Variants in ABCB7 observed in about 807,000 individuals in gnomAD.
ABCB7 encodes the protein iron-sulfur clusters transporter ABCB7, mitochondrial.
A neutral mutation model predicts 54.4 loss-of-function variants in ABCB7; 7 were observed. The ratio of observed to expected loss-of-function variants is 0.13; its 90% CI spans 0.07 to 0.24. The LOEUF is 0.24. Among genes scored for constraint, ABCB7 ranks in the 10% least tolerant of loss-of-function variants. The pLI is 1.00. For synonymous variants in ABCB7, 218 were observed against 207.1 expected (o/e 1.05, Z -0.45); for missense variants, 356 against 570.4 (o/e 0.62, Z 3.83).
At chrX:75,109,938 C>T (rs1289224426) in intron 3 of ABCB7, among the ~76,000 whole-genome samples, 1 of 111,828 alleles carries the variant, frequency 8.9e-6, no homozygotes, top group East Asian at 2.8e-4. Context: ...TCTAAAAAAT[C>T]CAGAGTATAA....
intron 15 of ABCB7, among the ~76,000 whole-genome samples, chrX:75,054,063 T>A (rs2081216482): frequency 8.9e-6 from 1 of 112,425 alleles, no homozygotes; most frequent in African/African-American, 3.2e-5. Context: ...AAAAGTTTAC[T>A]TCTTCCAGTG....
At chrX:75,054,075 C>T (rs944400357) in intron 15 of ABCB7, among the ~76,000 whole-genome samples, 11 of 111,914 alleles carry the variant, frequency 9.8e-5, no homozygotes, top group African/African-American at 3.6e-4. Context: ...CTTCCAGTGG[C>T]TATTTTTGTT....
At chrX:75,114,727 T>C (rs1173003370) in intron 2 of ABCB7, 27 bp downstream of exon 2, 5 of 1,171,273 alleles carry the variant, frequency 4.3e-6, no homozygotes, top group Non-Finnish European at 5.8e-6. Context: ...TTCCTAGCTA[T>C]ATGTAGACAT....
chrX:75,065,407 G>T (rs949519328), intron 12 of ABCB7, among the ~76,000 whole-genome samples, 166 bp from the exon 13 acceptor site: 3 of 111,195 alleles, frequency 2.7e-5, no homozygotes, highest in Non-Finnish European at 3.8e-5. Flanking sequence ...CTTCCCAGGG[G>T]TAGTCATCAT....
chrX:75,151,981 T>C (rs994549323), intron 1 of ABCB7, among the ~76,000 whole-genome samples: 1 of 111,806 alleles, frequency 8.9e-6, no homozygotes, highest in Non-Finnish European at 1.9e-5. Flanking sequence ...CCAAGCTTAC[T>C]GTGTGAGAAC....
rs112136748 is a variant in ABCB7 at position 75,065,284 on chromosome X, ATCTC to A, written c.1660-47_1660-44del. The A allele has an allele frequency of 0.013, 13,773 of 1,072,326 alleles. 1,102 individuals are homozygous for A. In the African/African-American group the frequency reaches 0.23, roughly 18 times the overall value. The allele number at this position is 1,072,326 out of a possible 1,213,427, so 88.4% of individuals were successfully genotyped here. On this transcript the variant is annotated intron_variant, in intron 12 of 15. Coordinates refer to ENST00000373394, the MANE Select transcript of ABCB7 (RefSeq NM_001271696.3). ...AATGAATATATATCTATATCTATAT[ATCTC>A]TCTCTATTTATGTTCATTATTAAAA...
intron 1 of ABCB7, among the ~76,000 whole-genome samples, chrX:75,127,978 G>A (rs1488138459): frequency 8.9e-6 from 1 of 111,938 alleles, no homozygotes; most frequent in Non-Finnish European, 1.9e-5. Context: ...AATATTCCAT[G>A]CTCATGGATA....
intron 1 of ABCB7, among the ~76,000 whole-genome samples, chrX:75,150,798 G>A (rs1243792865): frequency 9.0e-6 from 1 of 111,429 alleles, no homozygotes; most frequent in East Asian, 2.8e-4. Flanking sequence ...CAACAATACA[G>A]CAATAAATGA....
rs1049761963 is a variant in ABCB7 at position 75,112,751 on chromosome X, T to C, written c.333+135A>G. On this transcript the variant is annotated intron_variant, in intron 3 of 15. Coordinates refer to ENST00000373394, the MANE Select transcript of ABCB7 (RefSeq NM_001271696.3). Reference sequence around the variant, plus strand: ...CTATAAACTATGGTCAATTAATATGTTTTTTTTTTCATTAGAGAACATGCA... The same window carrying C: ...CTATAAACTATGGTCAATTAATATGCTTTTTTTTTCATTAGAGAACATGCA... The C allele has an allele frequency of 1.5e-5, 6 of 401,836 alleles. No individual in the cohort carries two copies. The African/African-American group carries it at 2.6e-4, about 17-fold the overall frequency. The allele number at this position is 401,836 out of a possible 1,213,427, so 33.1% of individuals were successfully genotyped here. A position where few individuals can be genotyped will look rare whatever the true frequency, so the allele number is the denominator to read the frequency against.
chrX:75,067,782 G>T (rs1398617222), intron 12 of ABCB7, among the ~76,000 whole-genome samples: 1 of 111,058 alleles, frequency 9.0e-6, no homozygotes, highest in East Asian at 2.8e-4. Context: ...ACTGTGCCCA[G>T]CCTAGATTAG....
chrX:75,091,958 T>C (rs760102648), intron 4 of ABCB7, among the ~76,000 whole-genome samples: 5 of 111,607 alleles, frequency 4.5e-5, no homozygotes, highest in Non-Finnish European at 7.6e-5. Context: ...TCCATGTTCA[T>C]GTATGGGAAG....
At chrX:75,082,510 G>A (rs1280128411) in intron 4 of ABCB7, among the ~76,000 whole-genome samples, 1 of 111,854 alleles carries the variant, frequency 8.9e-6, no homozygotes, top group South Asian at 3.7e-4. Flanking sequence ...GAAGAGCAAT[G>A]GAAATGGTAA....
In ABCB7 at chrX:75,059,729, G is replaced by A. The variant is rs1261291156; in HGVS notation, c.2043+494C>T. Among the ~76,000 whole-genome samples the A allele has an allele frequency of 3.6e-5, 4 of 111,435 alleles. No homozygotes were observed. The East Asian group carries it at 1.1e-3, about 31-fold the overall frequency. ...GTATACTCATATAGTAATTCCCTTA[G>A]AAGAGATAAAGCAGGCTATCTTTTT... On this transcript the variant is annotated intron_variant, in intron 15 of 15. Transcript: ENST00000373394.
chrX:75,136,571 A>AAAC (rs972346386), intron 1 of ABCB7, among the ~76,000 whole-genome samples: 28 of 111,272 alleles, frequency 2.5e-4, no homozygotes, highest in African/African-American at 7.3e-4. Context: ...AACAAAAACA[A>AAAC]AACAACAACA....
chrX:75,096,859 T>A (rs1234312675), intron 4 of ABCB7, among the ~76,000 whole-genome samples: 1 of 110,571 alleles, frequency 9.0e-6, no homozygotes, highest in African/African-American at 3.3e-5. Context: ...CTGCACAGTA[T>A]CTCTTGTATT....
intron 1 of ABCB7, among the ~76,000 whole-genome samples, chrX:75,139,032 T>G (rs1241394193): frequency 1.8e-5 from 2 of 108,136 alleles, no homozygotes; most frequent in African/African-American, 3.4e-5. Context: ...AAAAGGGATC[T>G]TCAGGGATGT....
At chrX:75,058,257 A>G (rs1326978458) in intron 15 of ABCB7, among the ~76,000 whole-genome samples, 1 of 111,214 alleles carries the variant, frequency 9.0e-6, no homozygotes, top group Admixed American at 9.6e-5. Flanking sequence ...ACAACTTTTT[A>G]GCTCTGCTAA....
chrX:75,072,176 T>A (rs2081368318), intron 8 of ABCB7, among the ~76,000 whole-genome samples: 1 of 111,732 alleles, frequency 8.9e-6, no homozygotes, highest in South Asian at 3.8e-4. Flanking sequence ...AATGGAAATA[T>A]GAACAAATAA....
At chrX:75,065,273 T>C in intron 12 of ABCB7, 32 bp from the exon 13 acceptor site, 1 of 1,069,398 alleles carries the variant, frequency 9.4e-7, no homozygotes, top group African/African-American at 2.0e-5. Context: ...AATATATATC[T>C]ATATCTATAT....
Sources: gnomAD v4.1 joint callset for allele counts (sites outside exome capture counted in the v4.1 genomes callset) on GRCh38, gnomAD v4.1.1 for gene constraint, MANE v1.5 for transcripts, NCBI Gene and HGNC (gene_info 2026-07-23, HGNC 2026-07-21) for gene names.